The following PI4K2A variants were observed in gnomAD, a reference collection of about 807,000 sequenced individuals.
The protein encoded by PI4K2A is phosphatidylinositol 4-kinase type 2 alpha.
PI4K2A carries 20 observed loss-of-function variants against 55.0 expected under a neutral mutation model. That is an observed-to-expected ratio of 0.36 (90% confidence interval 0.26 to 0.53). The LOEUF (loss-of-function observed/expected upper bound fraction) is 0.53. PI4K2A is among the 20% of genes least tolerant of loss of function. PI4K2A has a pLI of 0.91. For synonymous variants in PI4K2A, 235 were observed against 258.5 expected (o/e 0.91, Z 0.87); for missense variants, 463 against 637.1 (o/e 0.73, Z 2.94).
At chr10:97,647,772 C>T (rs2041512340) in intron 1 of PI4K2A, among the ~76,000 whole-genome samples, 1 of 146,984 alleles carries the variant, frequency 6.8e-6, no homozygotes, top group Non-Finnish European at 1.5e-5. Context: ...AACCCCTGTA[C>T]TATTGCATAA....
intron 1 of PI4K2A, among the ~76,000 whole-genome samples, chr10:97,647,612 C>A (rs2041511678): frequency 6.6e-6 from 1 of 152,206 alleles, no homozygotes; most frequent in African/African-American, 2.4e-5. Flanking sequence ...AGGTCCTGAG[C>A]AAATGCTAAC....
chr10:97,672,707 C>T (rs1032115875), intron 8 of PI4K2A, among the ~76,000 whole-genome samples: 1 of 145,042 alleles, frequency 6.9e-6, no homozygotes, highest in Non-Finnish European at 1.5e-5. Context: ...ATGGAATTGC[C>T]GAGTCAGAGG....
chr10:97,657,793 C>T (rs1184466952), intron 4 of PI4K2A, among the ~76,000 whole-genome samples: 1 of 146,610 alleles, frequency 6.8e-6, no homozygotes, highest in Non-Finnish European at 1.5e-5. Flanking sequence ...GTATGAAATA[C>T]ATTCATATTG....
At chr10:97,675,597 TG>T (rs1206922958) in exon 9 of PI4K2A, 1 of 152,480 alleles carries the variant, frequency 6.6e-6, no homozygotes, top group Non-Finnish European at 1.5e-5. Context: ...GCCCATCTGG[TG>T]CTCAAGAGAG....
At chr10:97,671,726 G>A (rs1286903360) in intron 8 of PI4K2A, among the ~76,000 whole-genome samples, 4 of 152,028 alleles carry the variant, frequency 2.6e-5, no homozygotes, top group Non-Finnish European at 4.4e-5. Flanking sequence ...TGAAACCTCC[G>A]CCTCCCGGGT....
chr10:97,645,662 A>G (rs1335174712), intron 1 of PI4K2A, among the ~76,000 whole-genome samples: 1 of 151,318 alleles, frequency 6.6e-6, no homozygotes, highest in Non-Finnish European at 1.5e-5. Flanking sequence ...CGAGACCTAC[A>G]TGTATGACAA....
chr10:97,640,836 C>T lies in PI4K2A; in HGVS notation c.94C>T (p.Pro32Ser), dbSNP rs1473956030. ...CTCGGGCGCTCACTTTCCGCAGGTGCCCGGGGGCGCGGTCCGAGTGGCGGC... is the reference window on the plus strand; with the variant it reads ...CTCGGGCGCTCACTTTCCGCAGGTGTCCGGGGGCGCGGTCCGAGTGGCGGC... The change falls in exon 1 of 9, where the codon CCC becomes TCC. Residue 32 changes from proline to serine, a missense_variant. Physicochemically the swap from Pro to Ser is moderately conservative, Grantham distance 74. Coordinates refer to ENST00000370631, the Ensembl canonical transcript of PI4K2A. The T allele has an allele frequency of 7.1e-6, 10 of 1,409,828 alleles. No individual in the cohort carries two copies. The African/African-American group carries it at 1.0e-4, about 15-fold the overall frequency. 87.3% of individuals were successfully genotyped at this position (1,409,828 alleles called of 1,614,324 possible). A position where few individuals can be genotyped will look rare whatever the true frequency, so the allele number is the denominator to read the frequency against.
Position 97,656,496 on chromosome 10 carries a change from A to G in PI4K2A, c.768+80A>G, listed in dbSNP as rs1184184005. ...CCAAGTGGTGAAGCAAGGTGCCTAC[A>G]ACTCAAATATGGGCACGTGAATAAC... is the stretch of plus-strand genomic sequence containing the variant. On this transcript the variant is annotated intron_variant, in intron 3 of 8. Coordinates refer to ENST00000370631, the Ensembl canonical transcript of PI4K2A. This position sits in a 1 kb window ranked among gnomAD's most constrained non-coding sequence, Gnocchi z 4.5. 2.9e-6 allele frequency: 4 copies of G among 1,371,176 alleles called. No individual in the cohort carries two copies. The highest frequency in any genetic ancestry group is 1.4e-5 in the African/African-American group (1 of 70,212). 84.9% of individuals were successfully genotyped at this position (1,371,176 alleles called of 1,614,324 possible). A position where few individuals can be genotyped will look rare whatever the true frequency, so the allele number is the denominator to read the frequency against.
intron 1 of PI4K2A, among the ~76,000 whole-genome samples, chr10:97,641,934 G>A (rs1338750665): frequency 6.6e-6 from 1 of 152,166 alleles, no homozygotes. Context: ...TGTATATAAA[G>A]GGGGATGGTT....
At chr10:97,663,618 G>C (rs1262059708) in intron 5 of PI4K2A, among the ~76,000 whole-genome samples, 1 of 151,084 alleles carries the variant, frequency 6.6e-6, no homozygotes, top group Non-Finnish European at 1.5e-5. Context: ...CTGAGGTCAG[G>C]AGTTCCAGCC....
chr10:97,667,187 A>G, intron 8 of PI4K2A, 67 bp downstream of exon 8: 1 of 1,220,170 alleles, frequency 8.2e-7, no homozygotes, highest in South Asian at 1.3e-5. Context: ...AGGTTGAGCA[A>G]ATGTTTGAAG....
intron 1 of PI4K2A, among the ~76,000 whole-genome samples, chr10:97,647,717 C>G (rs943684521): frequency 2.6e-5 from 4 of 151,348 alleles, no homozygotes; most frequent in African/African-American, 9.7e-5. Flanking sequence ...TCTTCATACT[C>G]TAACATTCCC....
intron 6 of PI4K2A, 39 bp downstream of exon 6, chr10:97,665,023 C>T: frequency 7.9e-7 from 1 of 1,259,650 alleles, no homozygotes; most frequent in East Asian, 2.3e-5. Context: ...TCTTCCCTTG[C>T]TCAGTATATT....
intron 1 of PI4K2A, among the ~76,000 whole-genome samples, chr10:97,647,845 A>C (rs1471400169): frequency 1.3e-5 from 2 of 151,960 alleles, no homozygotes; most frequent in East Asian, 3.9e-4. Context: ...GGTAGAAGGA[A>C]ATCAAGATGT....
At chr10:97,649,872 C>A (rs1248445337) in intron 1 of PI4K2A, among the ~76,000 whole-genome samples, 2 of 151,998 alleles carry the variant, frequency 1.3e-5, no homozygotes, top group Non-Finnish European at 2.9e-5. Flanking sequence ...TATCTGCCCA[C>A]CTTGGCCTCC....
chr10:97,667,446 G>C (rs1264764345), intron 8 of PI4K2A, among the ~76,000 whole-genome samples: 1 of 152,186 alleles, frequency 6.6e-6, no homozygotes, highest in African/African-American at 2.4e-5. Context: ...CTGACCTCAA[G>C]TGATGCACCT....
chr10:97,668,727 C>T (rs1167383446), intron 8 of PI4K2A, among the ~76,000 whole-genome samples: 1 of 152,172 alleles, frequency 6.6e-6, no homozygotes, highest in Non-Finnish European at 1.5e-5. Flanking sequence ...AATTCAGCTT[C>T]TCCCATCTTT....
At chr10:97,652,046 C>T (rs1303846472) in intron 2 of PI4K2A, among the ~76,000 whole-genome samples, 1 of 152,044 alleles carries the variant, frequency 6.6e-6, no homozygotes, top group Admixed American at 6.6e-5. Context: ...CGTGCTTAGT[C>T]TTAACTAGTC....
chr10:97,672,703 T>C (rs2041641737), intron 8 of PI4K2A, among the ~76,000 whole-genome samples: 1 of 149,904 alleles, frequency 6.7e-6, no homozygotes, highest in African/African-American at 2.5e-5. Context: ...AAAAATGGAA[T>C]TGCCGAGTCA....
Sources: gnomAD v4.1 joint callset for allele counts (sites outside exome capture counted in the v4.1 genomes callset) on GRCh38, gnomAD v4.1.1 for gene constraint, Gnocchi (gnomAD v3.1) non-coding constraint, MANE v1.5 for transcripts, NCBI Gene and HGNC (gene_info 2026-07-23, HGNC 2026-07-21) for gene names.